Variants in ARSG observed in about 807,000 individuals in gnomAD.
ARSG encodes the protein arylsulfatase G.
In ARSG, 37 loss-of-function variants were observed where a neutral mutation model predicts 50.5. The ratio of observed to expected loss-of-function variants is 0.73; its 90% CI spans 0.56 to 0.96. The LOEUF (loss-of-function observed/expected upper bound fraction) is 0.96, where lower values mean the gene tolerates loss of function less well. ARSG is among the 50% of genes least tolerant of loss of function. ARSG has a pLI of 0.00. For synonymous variants in ARSG, 225 were observed against 254.6 expected (o/e 0.88, Z 1.11); for missense variants, 629 against 675.3 (o/e 0.93, Z 0.76).
the ARSG span, chr17:68,428,714 C>T: frequency 1.3e-6 from 1 of 778,046 alleles, no homozygotes; most frequent in Non-Finnish European, 2.1e-6. Flanking sequence ...GCCACTGAGA[C>T]TGCCAGTGAA....
In ARSG at chr17:68,401,400, G is replaced by A. The variant is rs2081463976; in HGVS notation, c.1253G>A (p.Gly418Glu). 6.2e-7 allele frequency: 1 copy of A among 1,613,940 alleles called. No individual in the cohort carries two copies. The change falls in exon 11 of 12, where the codon GGA becomes GAA. Residue 418 changes from glycine (G) to glutamate (E), a missense_variant. By Grantham distance (98) the Gly-to-Glu change is moderately conservative. Coordinates refer to ENST00000621439, the MANE Select transcript of ARSG (RefSeq NM_001267727.2). ...HPNSGAAGEFGALQTVRLERY... is the reference protein window; with the variant it reads ...HPNSGAAGEFEALQTVRLERY... ...AACAGCGGGGCAGCTGGAGAGTTTG[G>A]AGCCCTGCAGACTGTCCGCCTGGAG... is the stretch of plus-strand genomic sequence containing the variant.
Position 68,307,476 on chromosome 17 carries a change from A to G in ARSG, c.-18A>G. On this transcript the variant is annotated 5_prime_UTR_variant, in exon 2 of 12. Coordinates refer to ENST00000621439, the MANE Select transcript of ARSG (RefSeq NM_001267727.2). ...GGCTGCCGTCGCTCCAGACAATCGGAATCCTGCCTTCACCACCATGGGCTG... is the reference window on the plus strand; with the variant it reads ...GGCTGCCGTCGCTCCAGACAATCGGGATCCTGCCTTCACCACCATGGGCTG... 1.9e-6 allele frequency: 3 copies of G among 1,603,076 alleles called. No homozygotes were observed. The highest frequency in any genetic ancestry group is 2.6e-6 in the Non-Finnish European group (3 of 1,171,416).
the ARSG span, among the ~76,000 whole-genome samples, chr17:68,430,601 C>A: frequency 2.6e-5 from 4 of 152,290 alleles, no homozygotes; most frequent in South Asian, 2.1e-4. Context: ...GGGTAGCAAA[C>A]CTCCGGGCAA....
chr17:68,314,757 T>C (rs1555767940), intron 2 of ARSG, among the ~76,000 whole-genome samples: 1 of 152,178 alleles, frequency 6.6e-6, no homozygotes, highest in Non-Finnish European at 1.5e-5. Flanking sequence ...GCATAGAGCC[T>C]AGCATACAAT....
chr17:68,349,489 T>C lies in ARSG; in HGVS notation c.455-2086T>C, dbSNP rs115922292. ...TCTCCTTGGTGGAGAGTCATCCTGA[T>C]ACCAGATGCAGTAGCATTTCAGGGC... is the stretch of plus-strand genomic sequence containing the variant. On this transcript the variant is annotated intron_variant, in intron 4 of 11. Coordinates refer to ENST00000621439, the MANE Select transcript of ARSG (RefSeq NM_001267727.2). Among the ~76,000 whole-genome samples the C allele has an allele frequency of 7.8e-4, 119 of 152,292 alleles. 1 individual carries two copies. The highest frequency in any genetic ancestry group is 2.6e-3 in the African/African-American group (110 of 41,572).
intron 11 of ARSG, among the ~76,000 whole-genome samples, chr17:68,403,432 C>T (rs904006455): frequency 3.9e-5 from 6 of 152,226 alleles, no homozygotes; most frequent in African/African-American, 1.2e-4. Context: ...GTAGGGAGCA[C>T]TGAACTTTTA....
chr17:68,275,195 G>A (rs1273131580), intron 1 of ARSG, among the ~76,000 whole-genome samples: 5 of 152,192 alleles, frequency 3.3e-5, no homozygotes, highest in African/African-American at 1.2e-4. Context: ...GCTTCTATAA[G>A]CTGTATCCCC....
intron 1 of ARSG, among the ~76,000 whole-genome samples, chr17:68,262,276 C>G (rs2144836879): frequency 6.6e-6 from 1 of 151,852 alleles, no homozygotes; most frequent in South Asian, 2.1e-4. Flanking sequence ...TCGAGACCAT[C>G]CTGGCTAACA....
intron 2 of ARSG, among the ~76,000 whole-genome samples, chr17:68,314,767 T>C (rs553372561): frequency 3.5e-4 from 53 of 152,198 alleles, no homozygotes; most frequent in Middle Eastern, 6.3e-3. Context: ...TAGCATACAA[T>C]AGATAGGGTT....
intron 2 of ARSG, among the ~76,000 whole-genome samples, chr17:68,341,859 G>A (rs780502788): frequency 2.0e-5 from 3 of 151,842 alleles, no homozygotes; most frequent in Admixed American, 6.6e-5. Flanking sequence ...TTGCTCTGTC[G>A]TCCAGACTGG....
chr17:68,435,567 G>T, the ARSG span: 1 of 1,562,728 alleles, frequency 6.4e-7, no homozygotes, highest in Non-Finnish European at 8.8e-7. Context: ...CCTGCGCACG[G>T]CAGGAGCCAT....
chr17:68,365,104 G>C (rs1379927083), intron 6 of ARSG, among the ~76,000 whole-genome samples: 1 of 152,226 alleles, frequency 6.6e-6, no homozygotes, highest in Admixed American at 6.5e-5. Flanking sequence ...GAAGTCAGGA[G>C]TTCGAGACCA....
At chr17:68,324,342 G>T (rs782037408) in intron 2 of ARSG, among the ~76,000 whole-genome samples, 40 of 152,266 alleles carry the variant, frequency 2.6e-4, no homozygotes, top group Middle Eastern at 3.4e-3. Context: ...CACATGGTTT[G>T]TGTGGATGTG....
At position 68,271,146 on chromosome 17, in the gene ARSG, A is replaced by G. The variant is rs1555748441; in HGVS notation, c.-552+11720A>G. The G allele has an allele frequency of 6.2e-7, 1 of 1,614,168 alleles. No homozygotes were observed. The highest frequency in any genetic ancestry group is 1.1e-5 in the South Asian group (1 of 91,082). On this transcript the variant is annotated intron_variant, in intron 1 of 11. Coordinates refer to the ARSG transcript ENST00000448504. The surrounding 1 kb of genome is among the most constrained non-coding windows in gnomAD (Gnocchi z 5.3). Reference sequence around the variant, plus strand: ...CTCCGATCCTTCCGAAAACTTCTGCAATGGCCATCGTAGATAATAAAAAAG... The same window carrying G: ...CTCCGATCCTTCCGAAAACTTCTGCGATGGCCATCGTAGATAATAAAAAAG...
At chr17:68,390,748 C>T (rs139997544) in intron 9 of ARSG, among the ~76,000 whole-genome samples, 2,194 of 152,174 alleles carry the variant, frequency 0.014, 52 homozygotes, top group African/African-American at 0.051. Flanking sequence ...CTCAGCCTCC[C>T]GGGTAGCTGG....
chr17:68,375,737 C>CG (rs1036561317), intron 8 of ARSG, among the ~76,000 whole-genome samples: 18 of 151,934 alleles, frequency 1.2e-4, no homozygotes, highest in African/African-American at 4.4e-4. Context: ...AGGCTCTGGG[C>CG]GAGGGCAGCA....
At chr17:68,289,002 G>A (rs561515220), upstream of ARSG, among the ~76,000 whole-genome samples, 372 of 152,202 alleles carry the variant, frequency 2.4e-3, no homozygotes, top group Admixed American at 6.5e-3. Context: ...CACAATCCAC[G>A]GGCAGTTTGG....
At chr17:68,294,102 A>G (rs545863185) in intron 1 of ARSG, among the ~76,000 whole-genome samples, 1 of 152,246 alleles carries the variant, frequency 6.6e-6, no homozygotes, top group East Asian at 1.9e-4. Flanking sequence ...TCAGGAAATC[A>G]AGTGAAGGGC....
At chr17:68,336,299 T>C (rs2078016860) in intron 2 of ARSG, among the ~76,000 whole-genome samples, 1 of 150,566 alleles carries the variant, frequency 6.6e-6, no homozygotes, top group South Asian at 2.1e-4. Flanking sequence ...AACCTCCTTC[T>C]CCCAGATTCA....
Sources: allele counts gnomAD v4.1 joint callset (sites outside exome capture counted in the v4.1 genomes callset), GRCh38; gene constraint gnomAD v4.1.1; non-coding constraint Gnocchi (gnomAD v3.1); transcripts MANE v1.5; gene names NCBI Gene and HGNC (gene_info 2026-07-23, HGNC 2026-07-21).